Variants in FHIT observed in about 807,000 individuals in gnomAD.
FHIT encodes the protein fragile histidine triad diadenosine triphosphatase, also known as bis(5'-adenosyl)-triphosphatase.
A neutral mutation model predicts 17.9 loss-of-function variants in FHIT; 19 were observed. The ratio of observed to expected loss-of-function variants is 1.06; its 90% CI spans 0.74 to 1.56. FHIT has a LOEUF of 1.56. Ranked by LOEUF, FHIT falls within the 40% of genes most tolerant of loss-of-function variation. The pLI, the probability that FHIT is intolerant of heterozygous loss-of-function variation, is 0.00. For missense variants in FHIT, 248 were observed against 189.2 expected, an observed-to-expected ratio of 1.31 and a Z score of -1.82; for synonymous variants, 81 against 69.7, an observed-to-expected ratio of 1.16 and a Z score of -0.81.
At position 60,229,353 on chromosome 3, in the gene FHIT, G is replaced by A. The variant is rs557673158; in HGVS notation, c.104-215201C>T. 6.6e-5 allele frequency among the ~76,000 whole-genome samples: 10 copies of A among 151,540 alleles called. No individual in the cohort carries two copies. The South Asian group carries it at 8.3e-4, about 13-fold the overall frequency. ...AATCACTTGAACCAGGGAGGCGGAG[G>A]TTGCAGTGAGCTGAGCTCCTGCCAC... On this transcript the variant is annotated intron_variant, in intron 5 of 9. Coordinates refer to ENST00000492590, the MANE Select transcript of FHIT (RefSeq NM_002012.4).
intron 2 of FHIT, among the ~76,000 whole-genome samples, chr3:61,151,576 T>TTTTC (rs756202514): frequency 8.8e-6 from 1 of 113,108 alleles, no homozygotes; most frequent in East Asian, 2.3e-4. Flanking sequence ...TTTTCTTTTC[T>TTTTC]TTTTTTTTTT....
At chr3:60,677,074 G>T (rs1553695554) in intron 4 of FHIT, among the ~76,000 whole-genome samples, 1 of 152,004 alleles carries the variant, frequency 6.6e-6, no homozygotes, top group African/African-American at 2.4e-5. Context: ...GTGGTGTTTT[G>T]CCATGTTGCC....
intron 5 of FHIT, among the ~76,000 whole-genome samples, chr3:60,420,323 C>A (rs1256420434): frequency 6.6e-6 from 1 of 152,120 alleles, no homozygotes; most frequent in East Asian, 1.9e-4. Flanking sequence ...TAACACAGTT[C>A]ATTCAACTAG....
chr3:60,201,499 G>T (rs1702904007), intron 5 of FHIT, among the ~76,000 whole-genome samples: 1 of 152,028 alleles, frequency 6.6e-6, no homozygotes. Context: ...ACACTGGGTA[G>T]ATAATCAGAA....
chr3:60,619,196 A>G (rs2039041835), intron 4 of FHIT, among the ~76,000 whole-genome samples: 1 of 151,704 alleles, frequency 6.6e-6, no homozygotes, highest in Non-Finnish European at 1.5e-5. Flanking sequence ...ATTACATTTA[A>G]AAAAGCTATC....
At chr3:60,096,031 T>C (rs1703933471) in intron 5 of FHIT, among the ~76,000 whole-genome samples, 1 of 152,072 alleles carries the variant, frequency 6.6e-6, no homozygotes, top group Non-Finnish European at 1.5e-5. Flanking sequence ...TGACACAGGA[T>C]TTTTTCTTGA....
chr3:60,624,729 G>A (rs2039233103), intron 4 of FHIT, among the ~76,000 whole-genome samples: 1 of 152,130 alleles, frequency 6.6e-6, no homozygotes, highest in East Asian at 1.9e-4. Context: ...TCCATATGTG[G>A]TCTTTTCTGA....
chr3:60,516,425 A>G (rs1229552450), intron 5 of FHIT, among the ~76,000 whole-genome samples: 1 of 152,176 alleles, frequency 6.6e-6, no homozygotes, highest in Non-Finnish European at 1.5e-5. Context: ...TTGGCCTCAT[A>G]TAGACATATA....
chr3:60,880,336 T>A (rs1317615101), intron 3 of FHIT, among the ~76,000 whole-genome samples: 1 of 152,170 alleles, frequency 6.6e-6, no homozygotes, highest in East Asian at 1.9e-4. Flanking sequence ...AAACAGGGAA[T>A]TCATCACCAC....
At chr3:60,581,261 A>G (rs138495904) in intron 4 of FHIT, among the ~76,000 whole-genome samples, 13 of 152,224 alleles carry the variant, frequency 8.5e-5, no homozygotes, top group African/African-American at 3.1e-4. Context: ...CAGGTAAGAA[A>G]ATGGAGATTT....
chr3:60,872,688 T>A (rs1397464308), intron 3 of FHIT, among the ~76,000 whole-genome samples: 1 of 152,196 alleles, frequency 6.6e-6, no homozygotes, highest in African/African-American at 2.4e-5. Context: ...AATGATCATT[T>A]ATTGAGACAA....
intron 5 of FHIT, among the ~76,000 whole-genome samples, chr3:60,139,386 A>G (rs1699940311): frequency 2.2e-4 from 1 of 4,588 alleles, no homozygotes; most frequent in South Asian, 0.017. Flanking sequence ...AGAGAACTAA[A>G]AAGGGTTTAG....
intron 8 of FHIT, among the ~76,000 whole-genome samples, chr3:59,783,114 G>A (rs558515185): frequency 6.6e-6 from 1 of 152,090 alleles, no homozygotes; most frequent in Non-Finnish European, 1.5e-5. Flanking sequence ...ATACCCAGAG[G>A]AATTTGTTTC....
At chr3:59,859,980 G>A (rs1702337862) in intron 8 of FHIT, among the ~76,000 whole-genome samples, 1 of 152,166 alleles carries the variant, frequency 6.6e-6, no homozygotes, top group Non-Finnish European at 1.5e-5. Flanking sequence ...AACACCTGAA[G>A]AGTGATGGAG....
At chr3:60,998,962 A>T (rs2030871765) in intron 3 of FHIT, among the ~76,000 whole-genome samples, 1 of 151,958 alleles carries the variant, frequency 6.6e-6, no homozygotes, top group Non-Finnish European at 1.5e-5. Flanking sequence ...TAATTTAGAG[A>T]CACCGTGGGA....
intron 8 of FHIT, 36 bp downstream of exon 8, chr3:59,922,310 G>C (rs760328041): frequency 2.0e-6 from 3 of 1,527,428 alleles, no homozygotes; most frequent in East Asian, 2.2e-5. Context: ...GACAGTCCCC[G>C]TGATCAAACA....
chr3:60,559,474 T>C (rs983790097), intron 4 of FHIT, among the ~76,000 whole-genome samples: 1 of 152,196 alleles, frequency 6.6e-6, no homozygotes, highest in Non-Finnish European at 1.5e-5. Context: ...CCCTCTTGCC[T>C]TGATGCACTT....
At chr3:60,312,254 G>A in intron 5 of FHIT, among the ~76,000 whole-genome samples, 1 of 152,050 alleles carries the variant, frequency 6.6e-6, no homozygotes, top group East Asian at 1.9e-4. Flanking sequence ...TCCTGCCTTA[G>A]CCTCCTGAGT....
At chr3:60,464,655 C>G (rs944470555) in intron 5 of FHIT, among the ~76,000 whole-genome samples, 18 of 152,060 alleles carry the variant, frequency 1.2e-4, no homozygotes, top group African/African-American at 4.3e-4. Flanking sequence ...ACACAATGAC[C>G]TCCAGTTCCA....
Sources: allele counts gnomAD v4.1 joint callset (sites outside exome capture counted in the v4.1 genomes callset), GRCh38; gene constraint gnomAD v4.1.1; transcripts MANE v1.5; gene names NCBI Gene and HGNC (gene_info 2026-07-23, HGNC 2026-07-21).